PEMT: variants seen among roughly 807,000 people sequenced by gnomAD.
PEMT encodes the protein phospholipid methyltransferase.
PEMT carries 23 observed loss-of-function variants against 27.4 expected under a neutral mutation model. The ratio of observed to expected loss-of-function variants is 0.84; its 90% CI spans 0.60 to 1.19. The LOEUF is 1.19. Ranked by LOEUF, PEMT falls within the 50% of genes most tolerant of loss-of-function variation. PEMT has a pLI of 0.00. For synonymous variants in PEMT, 137 were observed against 139.1 expected (o/e 0.98, Z 0.11); for missense variants, 307 against 310.1 (o/e 0.99, Z 0.07).
chr17:17,515,379 G>C (rs747379893), intron 3 of PEMT, among the ~76,000 whole-genome samples: 1 of 152,206 alleles, frequency 6.6e-6, no homozygotes, highest in Non-Finnish European at 1.5e-5. Flanking sequence ...CCAGGGAGCG[G>C]GTGGGAGAGG....
rs764861768 is a variant in PEMT at position 17,505,796 on chromosome 17, T to A, written c.706A>T (p.Ser236Cys). The A allele has an allele frequency of 2.8e-5, 45 of 1,610,248 alleles. 1 individual carries two copies. In the Middle Eastern group the frequency reaches 8.2e-4, roughly 30 times the overall value. ...RQKASGSHKR[S>C] is the part of the protein sequence containing the mutation. Reference sequence around the variant, plus strand: ...GCAAAGCTGTTGCAGCTCAATCAGCTCCTCTTGTGGGACCCGGAGGCTTTC... The same window carrying A: ...GCAAAGCTGTTGCAGCTCAATCAGCACCTCTTGTGGGACCCGGAGGCTTTC... Residue 236 changes from serine (S) to cysteine (C), a missense_variant, in exon 7 of 7, where the codon AGC becomes TGC. Transcript: ENST00000255389.
chr17:17,591,470 C>T (rs1039106704), intron 1 of PEMT, 61 bp downstream of exon 1: 9 of 1,368,860 alleles, frequency 6.6e-6, no homozygotes, highest in African/African-American at 1.4e-5. Context: ...CAAGCCTTCA[C>T]GCCCCTCGGG....
At chr17:17,537,623 C>T (rs1908576001) in intron 2 of PEMT, among the ~76,000 whole-genome samples, 1 of 152,218 alleles carries the variant, frequency 6.6e-6, no homozygotes, top group African/African-American at 2.4e-5. Flanking sequence ...ATCCCTGATA[C>T]TTGTCTTCTG....
In PEMT at chr17:17,522,708, T is replaced by C. The variant is rs1907366627; in HGVS notation, c.205-313A>G. Among the ~76,000 whole-genome samples the C allele has an allele frequency of 2.6e-5, 4 of 151,960 alleles. No homozygotes were observed. In the South Asian group the frequency reaches 8.3e-4, roughly 32 times the overall value. ...AGAGACGTCTGGTGGAGAAGATCTG[T>C]CCCTGGGGAGACACATGGGGTCTGA... On this transcript the variant is annotated intron_variant, in intron 2 of 6. Coordinates refer to ENST00000255389, the MANE Select transcript of PEMT (RefSeq NM_148172.3).
chr17:17,524,471 G>A (rs987968849), intron 2 of PEMT, among the ~76,000 whole-genome samples: 14 of 151,990 alleles, frequency 9.2e-5, no homozygotes, highest in African/African-American at 3.1e-4. Flanking sequence ...ATAGCCTTCA[G>A]GGGTGGGGGA....
At chr17:17,577,948 C>T (rs1393548959) in intron 1 of PEMT, among the ~76,000 whole-genome samples, 6 of 146,158 alleles carry the variant, frequency 4.1e-5, no homozygotes, top group East Asian at 4.2e-4. Context: ...ACCTGGGAGG[C>T]GGAGCTTGCA....
chr17:17,560,075 C>T (rs1289158254), intron 2 of PEMT, among the ~76,000 whole-genome samples: 4 of 152,230 alleles, frequency 2.6e-5, no homozygotes, highest in Non-Finnish European at 5.9e-5. Context: ...GAAAGATCCC[C>T]GGTGACCTGG....
At chr17:17,590,395 G>A (rs559207717) in intron 1 of PEMT, among the ~76,000 whole-genome samples, 2 of 152,158 alleles carry the variant, frequency 1.3e-5, no homozygotes, top group African/African-American at 4.8e-5. Flanking sequence ...TGACCTTTCG[G>A]CTCTCAGATC....
At chr17:17,550,492 C>T (rs1005643137) in intron 2 of PEMT, among the ~76,000 whole-genome samples, 2 of 152,180 alleles carry the variant, frequency 1.3e-5, no homozygotes, top group Non-Finnish European at 2.9e-5. Flanking sequence ...CCACTCCCCG[C>T]AGCTATCGAG....
chr17:17,522,179 C>T, intron 3 of PEMT, 101 bp downstream of exon 3: 1 of 826,830 alleles, frequency 1.2e-6, no homozygotes, highest in East Asian at 2.6e-5. Flanking sequence ...CCTGAGTGCT[C>T]AGACACAAGG....
intron 2 of PEMT, among the ~76,000 whole-genome samples, chr17:17,553,870 G>A (rs1909851069): frequency 6.6e-6 from 1 of 152,334 alleles, no homozygotes; most frequent in South Asian, 2.1e-4. Context: ...TCCCTGCCAC[G>A]ACAGGAGAGG....
chr17:17,575,978 G>C (rs70959691), intron 2 of PEMT, among the ~76,000 whole-genome samples: 12 of 152,176 alleles, frequency 7.9e-5, no homozygotes, highest in Admixed American at 7.9e-4. Context: ...AAACTGTCTG[G>C]AACAATGTGC....
chr17:17,550,204 G>A (rs534756491), intron 2 of PEMT, among the ~76,000 whole-genome samples: 3 of 152,292 alleles, frequency 2.0e-5, no homozygotes, highest in East Asian at 1.9e-4. Context: ...ACCCTCTGAG[G>A]ACACAGACGT....
intron 1 of PEMT, among the ~76,000 whole-genome samples, chr17:17,585,334 T>A (rs1912190555): frequency 6.6e-6 from 1 of 152,018 alleles, no homozygotes; most frequent in African/African-American, 2.4e-5. Context: ...CGAGAATCCA[T>A]CTCAAAAACA....
At chr17:17,511,904 T>C (rs993378895) in intron 4 of PEMT, among the ~76,000 whole-genome samples, 3 of 151,230 alleles carry the variant, frequency 2.0e-5, no homozygotes, top group Non-Finnish European at 4.4e-5. Context: ...TCAGGGTCAT[T>C]GGTGGGCGTC....
chr17:17,581,154 G>A (rs1374832767), intron 1 of PEMT, among the ~76,000 whole-genome samples: 1 of 152,160 alleles, frequency 6.6e-6, no homozygotes, highest in Non-Finnish European at 1.5e-5. Context: ...ATCTTCCTGA[G>A]TGTAAATGAT....
chr17:17,582,548 G>T lies in PEMT; in HGVS notation c.97-5521C>A. 2 of 382,314 alleles carry T rather than the reference G, an allele frequency of 5.2e-6. No individual in the cohort carries two copies. Among genetic ancestry groups the T allele is most frequent in the Non-Finnish European group, 7.2e-6 (2 of 278,988 alleles). The allele number at this position is 382,314 out of a possible 1,614,324, so 23.7% of individuals were successfully genotyped here. A position where few individuals can be genotyped will look rare whatever the true frequency, so the allele number is the denominator to read the frequency against. On this transcript the variant is annotated intron_variant, in intron 1 of 6. Transcript: ENST00000255389. The surrounding 1 kb of genome is among the most constrained non-coding windows in gnomAD (Gnocchi z 4.9). The stretch of plus-strand genomic sequence containing the variant: ...ACACCACACACAACAAAGGGCAGGG[G>T]AATGGGTGGGGGCTGCTGGAGAGGG...
intron 2 of PEMT, among the ~76,000 whole-genome samples, chr17:17,555,910 C>T (rs1910018653): frequency 6.6e-6 from 1 of 152,244 alleles, no homozygotes; most frequent in Non-Finnish European, 1.5e-5. Context: ...TCCAGGTCTC[C>T]CTCTGCCTGG....
Position 17,576,928 on chromosome 17 carries a change from A to C in PEMT, c.196T>G (p.Trp66Gly). Residue 66 changes from tryptophan (W) to glycine (G), a missense_variant, in exon 2 of 7, where the codon TGG (tryptophan) becomes GGG (glycine). Physicochemically the swap from Trp to Gly is radical, Grantham distance 184. Coordinates refer to ENST00000255389, the MANE Select transcript of PEMT (RefSeq NM_148172.3). ...TCAGGCACATCACTTACCACATTCC[A>C]GTAGAGCGGATTGAAGGTGATGGTG... Reference protein sequence around the residue: ...VITITFNPLYWNVVARWEHKT... With the variant: ...VITITFNPLYGNVVARWEHKT... The C allele has an allele frequency of 7.4e-6, 12 of 1,612,966 alleles. No individual in the cohort carries two copies. The highest frequency in any genetic ancestry group is 1.0e-5 in the Non-Finnish European group (12 of 1,179,016).
Sources: allele counts gnomAD v4.1 joint callset (sites outside exome capture counted in the v4.1 genomes callset), GRCh38; gene constraint gnomAD v4.1.1; non-coding constraint Gnocchi (gnomAD v3.1); transcripts MANE v1.5; gene names NCBI Gene and HGNC (gene_info 2026-07-23, HGNC 2026-07-21).